Variants in SEMA6D observed in about 807,000 individuals in gnomAD.
SEMA6D encodes semaphorin 6D.
Under a neutral mutation model 106.6 loss-of-function variants are expected in SEMA6D, and 35 were observed. The ratio of observed to expected loss-of-function variants is 0.33; its 90% CI spans 0.25 to 0.44. The LOEUF (loss-of-function observed/expected upper bound fraction) is 0.44, where lower values mean the gene tolerates loss of function less well. Ranked by LOEUF, SEMA6D falls within the 20% of genes least tolerant of loss-of-function variation. The pLI, the probability that SEMA6D is intolerant of heterozygous loss-of-function variation, is 1.00. For missense variants in SEMA6D, 1,185 were observed against 1,345.9 expected, an observed-to-expected ratio of 0.88 and a Z score of 1.87; for synonymous variants, 499 against 487.7, an observed-to-expected ratio of 1.02 and a Z score of -0.31.
intron 1 of SEMA6D, among the ~76,000 whole-genome samples, chr15:47,230,147 C>A (rs781465525): frequency 5.9e-5 from 9 of 152,042 alleles, no homozygotes; most frequent in Non-Finnish European, 1.3e-4. Context: ...GAGGATTAAG[C>A]AATCTGCAAA....
chr15:47,500,663 G>A (rs1474365735), intron 3 of SEMA6D, among the ~76,000 whole-genome samples: 1 of 152,156 alleles, frequency 6.6e-6, no homozygotes, highest in East Asian at 1.9e-4. Flanking sequence ...TCAGCAGTGT[G>A]ATGTGGGACC....
At chr15:47,201,187 A>G (rs1455416928) in intron 1 of SEMA6D, among the ~76,000 whole-genome samples, 1 of 152,228 alleles carries the variant, frequency 6.6e-6, no homozygotes. Flanking sequence ...AGAGAACAAT[A>G]CTTACACAAG....
At chr15:47,768,485 A>T in intron 17 of SEMA6D, 96 bp from the exon 18 acceptor site, 1 of 1,104,102 alleles carries the variant, frequency 9.1e-7, no homozygotes, top group Non-Finnish European at 1.2e-6. Context: ...AAACTTTCTC[A>T]TAAAATTTAC....
chr15:47,624,364 G>A (rs1435221438), intron 4 of SEMA6D, among the ~76,000 whole-genome samples: 2 of 152,188 alleles, frequency 1.3e-5, no homozygotes, highest in Admixed American at 1.3e-4. Context: ...GATAAAAAGA[G>A]TTATTAATGG....
chr15:47,717,790 T>TGG, intron 1 of SEMA6D, 98 bp downstream of exon 1: 2 of 145,988 alleles, frequency 1.4e-5, no homozygotes, highest in Admixed American at 6.9e-5. Flanking sequence ...TGTGTGTGTG[T>TGG]GTGTGCGCGC....
intron 1 of SEMA6D, among the ~76,000 whole-genome samples, chr15:47,231,516 C>T (rs2032195319): frequency 6.6e-6 from 1 of 152,196 alleles, no homozygotes; most frequent in Admixed American, 6.6e-5. Flanking sequence ...TACTCCCACT[C>T]TTTCCAGGCA....
chr15:47,353,184 A>G (rs779081706), intron 1 of SEMA6D, among the ~76,000 whole-genome samples: 1 of 152,128 alleles, frequency 6.6e-6, no homozygotes. Context: ...AAAGATCCTG[A>G]GTTTTATGAT....
intron 3 of SEMA6D, among the ~76,000 whole-genome samples, chr15:47,593,607 G>C (rs1366399728): frequency 6.6e-6 from 1 of 151,912 alleles, no homozygotes; most frequent in African/African-American, 2.4e-5. Context: ...AAGATTCCAG[G>C]GTGAAGTGGT....
chr15:47,498,640 A>ATTTGAAGGATATGTTTATCAAG (rs2043748006), intron 3 of SEMA6D, among the ~76,000 whole-genome samples: 1 of 152,134 alleles, frequency 6.6e-6, no homozygotes, highest in Non-Finnish European at 1.5e-5. Context: ...TTTTCACCAA[A>ATTTGAAGGATATGTTTATCAAG]TTTGAAGGAT....
intron 3 of SEMA6D, among the ~76,000 whole-genome samples, chr15:47,521,980 G>A (rs535373369): frequency 4.1e-5 from 6 of 146,248 alleles, no homozygotes; most frequent in South Asian, 4.3e-4. Context: ...GCGAGACTCC[G>A]TCTCAAAAAA....
chr15:47,728,091 A>G (rs142719388), intron 1 of SEMA6D, among the ~76,000 whole-genome samples: 9 of 152,306 alleles, frequency 5.9e-5, no homozygotes, highest in East Asian at 1.9e-4. Flanking sequence ...GTGTATTTCT[A>G]TAAGCCACAC....
intron 3 of SEMA6D, among the ~76,000 whole-genome samples, chr15:47,483,664 G>T (rs1181238134): frequency 6.6e-6 from 1 of 152,068 alleles, no homozygotes; most frequent in Non-Finnish European, 1.5e-5. Context: ...CTACTCTCTG[G>T]AATGAGAGAA....
intron 4 of SEMA6D, among the ~76,000 whole-genome samples, chr15:47,636,443 G>C (rs915355667): frequency 6.6e-6 from 1 of 152,148 alleles, no homozygotes; most frequent in Admixed American, 6.6e-5. Context: ...GGTTCAGGCT[G>C]TTTGCAGGGC....
chr15:47,566,013 C>T (rs1467580182), intron 3 of SEMA6D, among the ~76,000 whole-genome samples: 1 of 152,154 alleles, frequency 6.6e-6, no homozygotes, highest in Non-Finnish European at 1.5e-5. Flanking sequence ...AAAAGAAGCA[C>T]TTATTATACA....
At chr15:47,619,866 T>C (rs993193521) in intron 4 of SEMA6D, among the ~76,000 whole-genome samples, 5 of 152,352 alleles carry the variant, frequency 3.3e-5, no homozygotes, top group African/African-American at 1.2e-4. Context: ...CTATGTCATG[T>C]TTATTGCCCT....
chr15:47,743,320 G>A (rs2080927990), intron 1 of SEMA6D, among the ~76,000 whole-genome samples: 1 of 152,118 alleles, frequency 6.6e-6, no homozygotes, highest in Admixed American at 6.6e-5. Flanking sequence ...TGGTGATCGT[G>A]GATGACCTGT....
At chr15:47,582,199 G>A (rs1052207325) in intron 3 of SEMA6D, among the ~76,000 whole-genome samples, 5 of 152,160 alleles carry the variant, frequency 3.3e-5, no homozygotes, top group African/African-American at 7.2e-5. Flanking sequence ...AGACCACCCC[G>A]AGGGGTGCTT....
intron 1 of SEMA6D, among the ~76,000 whole-genome samples, chr15:47,235,885 G>T (rs974874757): frequency 2.6e-5 from 4 of 151,992 alleles, no homozygotes; most frequent in Non-Finnish European, 2.9e-5. Context: ...CTTTTGAGTG[G>T]ATCTTCCAGG....
chr15:47,651,857 ATCCT>A (rs1408146138), intron 4 of SEMA6D, among the ~76,000 whole-genome samples: 7 of 152,288 alleles, frequency 4.6e-5, no homozygotes, highest in Middle Eastern at 6.8e-3. Context: ...CACCTGTGTG[ATCCT>A]TCCTTCAGCC....
Sources: gnomAD v4.1 joint callset for allele counts (sites outside exome capture counted in the v4.1 genomes callset) on GRCh38, gnomAD v4.1.1 for gene constraint, MANE v1.5 for transcripts, NCBI Gene and HGNC (gene_info 2026-07-23, HGNC 2026-07-21) for gene names.